Variants in SLFN14 observed in about 807,000 individuals in gnomAD.
SLFN14 encodes the protein protein SLFN14.
SLFN14 carries 47 observed loss-of-function variants against 58.6 expected under a neutral mutation model. The observed-to-expected ratio is 0.80, with a 90% CI of 0.64 to 1.02. The LOEUF is 1.02. SLFN14 is among the 50% of genes least tolerant of loss of function. The pLI, the probability that SLFN14 is intolerant of heterozygous loss-of-function variation, is 0.00. For missense variants in SLFN14, 967 were observed against 1,078.4 expected (o/e 0.90, Z 1.45); for synonymous variants, 390 against 387.3 (o/e 1.01, Z -0.08).
chr17:35,547,848 A>G lies in SLFN14; in HGVS notation c.*391T>C, dbSNP rs1317766147. On this transcript the variant is annotated 3_prime_UTR_variant, in exon 6 of 6. Coordinates refer to ENST00000674182, the MANE Select transcript of SLFN14 (RefSeq NM_001129820.2). ...AAGGATGTGGTTGGGAGAGCAAGTC[A>G]GGGCATATTAATGAAAGCCTTGAAA... 6.6e-6 allele frequency among the ~76,000 whole-genome samples: 1 copy of G among 152,248 alleles called. No homozygotes were observed. Among genetic ancestry groups the G allele is most frequent in the Non-Finnish European group, 1.5e-5 (1 of 68,042 alleles).
intron 3 of SLFN14, among the ~76,000 whole-genome samples, chr17:35,556,267 G>A (rs1369049372): frequency 4.6e-5 from 7 of 151,970 alleles, no homozygotes; most frequent in Non-Finnish European, 1.0e-4. Context: ...CAAACTCCTG[G>A]GCTTAGGCAA....
chr17:35,549,506 A>C (rs1381424480), intron 5 of SLFN14, among the ~76,000 whole-genome samples: 7 of 152,220 alleles, frequency 4.6e-5, no homozygotes, highest in African/African-American at 1.7e-4. Context: ...ATGTGCAAAA[A>C]AAGCACGGAC....
Position 35,557,731 on chromosome 17 carries a change from G to T in SLFN14, c.332C>A (p.Ser111Ter). The T allele has an allele frequency of 1.3e-6, 2 of 1,551,680 alleles. No individual in the cohort carries two copies. The highest frequency in any genetic ancestry group is 1.2e-5 in the South Asian group (1 of 84,034). ...QGHNLLIFVK[S>*]WSPDVFSLPL... ...AAGGCTGAAAACATCTGGGCTCCAT[G>T]ACTTCACAAAAATCAGGAGATTGTG... The change falls in exon 3 of 6, where the codon TCA (serine) becomes TAA (stop). Residue 111 changes from serine (S) to a stop codon, truncating the protein, a stop_gained. Coordinates refer to ENST00000674182, the MANE Select transcript of SLFN14 (RefSeq NM_001129820.2). LOFTEE classifies it high-confidence loss of function.
rs370160814 is a variant in SLFN14 at position 35,554,639 on chromosome 17, T to A, written c.1126A>T (p.Ser376Cys). ...TGGACTTTTATGGGATATCCGGGAC[T>A]TTTTCGTGCAGATGAAGCTGATGAA... The part of the protein sequence containing the change: ...LISSASSARK[S>C]PGYPIKVHKF... The change falls in exon 4 of 6, where the codon AGT (serine) becomes TGT (cysteine). Residue 376 changes from serine (S) to cysteine (C), a missense_variant. By Grantham distance (112) the Ser-to-Cys change is moderately radical (BLOSUM62 -1). Coordinates refer to ENST00000674182, the MANE Select transcript of SLFN14 (RefSeq NM_001129820.2). 62 of 1,527,688 alleles carry A rather than the reference T, an allele frequency of 4.1e-5. No homozygotes were observed. In the African/African-American group the frequency reaches 6.5e-4, roughly 16 times the overall value. The allele number at this position is 1,527,688 out of a possible 1,614,324, so 94.6% of individuals were successfully genotyped here. A position where few individuals can be genotyped will look rare whatever the true frequency, so the allele number is the denominator to read the frequency against.
At position 35,545,194 on chromosome 17, in the gene SLFN14, C is replaced by A. The variant is rs2072525241; in HGVS notation, c.*3045G>T. Among the ~76,000 whole-genome samples, 1 of 152,216 alleles carries A rather than the reference C, an allele frequency of 6.6e-6. No individual in the cohort carries two copies. The highest frequency in any genetic ancestry group is 2.4e-5 in the African/African-American group (1 of 41,456). Reference sequence around the variant, plus strand: ...TTACAGTGTTAAAGATTATTCTCCACACTGACTTCTTTGAAATCTCTAACA... The same window carrying A: ...TTACAGTGTTAAAGATTATTCTCCAAACTGACTTCTTTGAAATCTCTAACA... On this transcript the variant is annotated 3_prime_UTR_variant, in exon 6 of 6. Coordinates refer to ENST00000674182, the MANE Select transcript of SLFN14 (RefSeq NM_001129820.2).
At chr17:35,552,513 A>G (rs1441747118) in intron 5 of SLFN14, among the ~76,000 whole-genome samples, 1 of 151,954 alleles carries the variant, frequency 6.6e-6, no homozygotes, top group Non-Finnish European at 1.5e-5. Context: ...CAGGCATTCA[A>G]GCTGGCAACG....
At chr17:35,558,282 T>C (rs2072672781) in intron 2 of SLFN14, among the ~76,000 whole-genome samples, 176 bp from the exon 3 acceptor site, 2 of 152,188 alleles carry the variant, frequency 1.3e-5, no homozygotes, top group African/African-American at 2.4e-5. Context: ...TTGTTTGTTT[T>C]TGAGATAGAA....
chr17:35,557,007 C>A lies in SLFN14; in HGVS notation c.1056G>T (p.Gln352His). Residue 352 changes from glutamine to histidine, a missense_variant, in exon 3 of 6, where the codon CAG becomes CAT. By Grantham distance (24) the Gln-to-His change is conservative. Coordinates refer to ENST00000674182, the MANE Select transcript of SLFN14 (RefSeq NM_001129820.2). ...EQWVVMMLDT[Q>H]SAPPSLVTDY... ...AATGACTTCACTTCCCTTTACCTGA[C>A]TGAGTATCCAGCATCATGACCACCC... is the stretch of plus-strand genomic sequence containing the variant. 6.5e-7 allele frequency: 1 copy of A among 1,549,558 alleles called. No individual in the cohort carries two copies. Among genetic ancestry groups the A allele is most frequent in the Non-Finnish European group, 8.7e-7 (1 of 1,145,782 alleles).
chr17:35,555,909 G>A (rs924678846), intron 3 of SLFN14, among the ~76,000 whole-genome samples: 20 of 152,106 alleles, frequency 1.3e-4, no homozygotes, highest in Admixed American at 3.3e-4. Flanking sequence ...CCCACTTGGT[G>A]GTGCCCTAAG....
rs1170365810 is a variant in SLFN14, at chr17:35,553,032, C to G, written c.1602G>C (p.Arg534Ser). 1.9e-6 allele frequency: 3 copies of G among 1,551,504 alleles called. No individual in the cohort carries two copies. The highest frequency in any genetic ancestry group is 2.6e-6 in the Non-Finnish European group (3 of 1,146,990). Residue 534 changes from arginine (R) to serine (S), a missense_variant, in exon 5 of 6, where the codon AGG becomes AGC. Arg to Ser is a moderately radical substitution (Grantham distance 110, BLOSUM62 -1). Transcript: ENST00000674182. The stretch of plus-strand genomic sequence containing the variant: ...CTTCCATTTCCTCCTCATCAGCAAG[C>G]CTGTAGGACCTGGGGTAACGCAGGG... ...EIPLRYPRSY[R>S]LADEEEMEDL...
In SLFN14 at chr17:35,546,248, G is replaced by A. The variant is rs1056549593; in HGVS notation, c.*1991C>T. On this transcript the variant is annotated 3_prime_UTR_variant, in exon 6 of 6. Coordinates refer to ENST00000674182, the MANE Select transcript of SLFN14 (RefSeq NM_001129820.2). ...ATGCACTGGCATCTTTTGCAAAACC[G>A]ATTGCTGAACTTCATTTCCTCCTAT... 1.4e-4 allele frequency among the ~76,000 whole-genome samples: 21 copies of A among 152,102 alleles called. No homozygotes were observed. Among genetic ancestry groups the A allele is most frequent in the African/African-American group, 4.8e-4 (20 of 41,416 alleles).
At chr17:35,552,651 C>CATATATATACACATATATATACAT (rs1567711489) in intron 5 of SLFN14, 79 bp downstream of exon 5, 3 of 487,544 alleles carry the variant, frequency 6.2e-6, no homozygotes, top group Non-Finnish European at 6.6e-6. Flanking sequence ...TATATATACA[C>CATATATATACACATATATATACAT]ATATATATAC....
At position 35,544,399 on chromosome 17, in the gene SLFN14, TAC is replaced by T. The variant is rs34138213; in HGVS notation, c.*3838_*3839del. 0.068 allele frequency among the ~76,000 whole-genome samples: 10,285 copies of T among 152,210 alleles called. 463 individuals carry two copies. Among genetic ancestry groups the T allele is most frequent in the African/African-American group, 0.13 (5,375 of 41,508 alleles). On this transcript the variant is annotated 3_prime_UTR_variant, in exon 6 of 6. Coordinates refer to ENST00000674182, the MANE Select transcript of SLFN14 (RefSeq NM_001129820.2). ...CAATTAAATGGAAAAAGCACACATA[TAC>T]GTTATAAAGTTGATGGCACAACTTG...
In SLFN14 at chr17:35,553,328, C is replaced by A. The variant is rs1468448901; in HGVS notation, c.1306G>T (p.Val436Leu). The A allele has an allele frequency of 2.6e-6, 4 of 1,551,678 alleles. No individual in the cohort carries two copies. Among genetic ancestry groups the A allele is most frequent in the Non-Finnish European group, 3.5e-6 (4 of 1,146,996 alleles). ...TLIHPCSQGI[V>L]IFSRSWAGDV... ...CCAGCCCAGCTTCTAGAAAATATCA[C>A]AATCCCCTGAGAACAAGGATGTATC... is the stretch of plus-strand genomic sequence containing the variant. The change falls in exon 5 of 6, where the codon GTG (valine) becomes TTG (leucine). Residue 436 changes from valine (V) to leucine (L), a missense_variant. By Grantham distance (32) the Val-to-Leu change is conservative. Transcript: ENST00000674182.
chr17:35,554,967 G>A (rs1347055279), intron 3 of SLFN14, among the ~76,000 whole-genome samples: 2 of 152,098 alleles, frequency 1.3e-5, no homozygotes, highest in Admixed American at 6.6e-5. Flanking sequence ...TCACGCTGGA[G>A]TGAAGTAATA....
At chr17:35,549,111 A>T in intron 5 of SLFN14, 38 bp from the exon 6 acceptor site, 1 of 1,444,334 alleles carries the variant, frequency 6.9e-7, no homozygotes, top group Non-Finnish European at 9.5e-7. Context: ...AGGCATATCA[A>T]CAAAGAGAAC....
rs1015424851 is a variant in SLFN14, at chr17:35,556,916, A to G, written c.1060+87T>C. On this transcript the variant is annotated intron_variant, in intron 3 of 5. Coordinates refer to ENST00000674182, the MANE Select transcript of SLFN14 (RefSeq NM_001129820.2). The stretch of plus-strand genomic sequence containing the variant: ...TAAGAAAAATAAATTTCTATTTTTT[A>G]ACTAACATATGTGATCAAATACCCA... 3 of 1,214,754 alleles carry G rather than the reference A, an allele frequency of 2.5e-6. No individual in the cohort carries two copies. The African/African-American group carries it at 4.6e-5, about 19-fold the overall frequency. The allele number at this position is 1,214,754 out of a possible 1,614,324, so 75.2% of individuals were successfully genotyped here.
rs901531619 is a variant in SLFN14 at position 35,553,028 on chromosome 17, C to T, written c.1606G>A (p.Ala536Thr). 1.3e-6 allele frequency: 2 copies of T among 1,551,646 alleles called. No homozygotes were observed. The highest frequency in any genetic ancestry group is 1.7e-6 in the Non-Finnish European group (2 of 1,146,986). The part of the protein sequence containing the change: ...PLRYPRSYRL[A>T]DEEEMEDLLQ... ...AAGTCTTCCATTTCCTCCTCATCAGCAAGCCTGTAGGACCTGGGGTAACGC... is the reference window on the plus strand; with the variant it reads ...AAGTCTTCCATTTCCTCCTCATCAGTAAGCCTGTAGGACCTGGGGTAACGC... Residue 536 changes from alanine (A) to threonine (T), a missense_variant, in exon 5 of 6, where the codon GCT becomes ACT. Transcript: ENST00000674182.
chr17:35,556,920 AAC>A, intron 3 of SLFN14, 81 bp downstream of exon 3: 2 of 1,246,858 alleles, frequency 1.6e-6, no homozygotes, highest in Non-Finnish European at 2.2e-6. Flanking sequence ...TTTTTTAACT[AAC>A]ATATGTGATC....
Sources: gnomAD v4.1 joint callset for allele counts (sites outside exome capture counted in the v4.1 genomes callset) on GRCh38, gnomAD v4.1.1 for gene constraint, MANE v1.5 for transcripts, NCBI Gene and HGNC (gene_info 2026-07-23, HGNC 2026-07-21) for gene names.